CHORDC1: variants seen among roughly 807,000 people sequenced by gnomAD.
The protein encoded by CHORDC1 is cysteine and histidine-rich domain-containing protein 1.
CHORDC1 carries 25 observed loss-of-function variants against 48.3 expected under a neutral mutation model. That is an observed-to-expected ratio of 0.52 (90% CI 0.38 to 0.72). The LOEUF is 0.72. Among genes scored for constraint, CHORDC1 ranks in the 30% least tolerant of loss-of-function variants. The pLI, the probability that CHORDC1 is intolerant of heterozygous loss-of-function variation, is 0.00. For missense variants in CHORDC1, 317 were observed against 388.7 expected, an observed-to-expected ratio of 0.82 and a Z score of 1.55; for synonymous variants, 128 against 126.4, an observed-to-expected ratio of 1.01 and a Z score of -0.09.
At chr11:90,213,334 CAA>C (rs35305859) in intron 4 of CHORDC1, 88,254 of 564,234 alleles carry the variant, frequency 0.16, 2,108 homozygotes, top group East Asian at 0.3. Context: ...TACTTGCAGC[CAA>C]AAAAAAAAAA....
chr11:90,218,748 T>C (rs1290205993), intron 1 of CHORDC1, among the ~76,000 whole-genome samples: 1 of 151,786 alleles, frequency 6.6e-6, no homozygotes. Context: ...GCCCCTGCCC[T>C]GTTTGGGAAG....
chr11:90,205,153 AAGT>A (rs1200721451), intron 8 of CHORDC1, among the ~76,000 whole-genome samples: 1 of 152,156 alleles, frequency 6.6e-6, no homozygotes, highest in Non-Finnish European at 1.5e-5. Flanking sequence ...AAAAAACAAA[AAGT>A]AGGAAGAGGC....
At position 90,201,260 on chromosome 11, in the gene CHORDC1, T is replaced by C. The variant is rs1292846533; in HGVS notation, c.*1145A>G. The C allele has an allele frequency of 2.0e-5, 3 of 151,972 alleles. No individual in the cohort carries two copies. The East Asian group carries it at 5.8e-4, about 29-fold the overall frequency. 9.4% of individuals were successfully genotyped at this position (151,972 alleles called of 1,614,324 possible). A position where few individuals can be genotyped will look rare whatever the true frequency, so the allele number is the denominator to read the frequency against. The stretch of plus-strand genomic sequence containing the variant: ...ATAAGTTTAATTTATTCCCAAACTT[T>C]CTAAGTTCTTCCAGAGTTCTGGCCT... On this transcript the variant is annotated 3_prime_UTR_variant, in exon 11 of 11. Coordinates refer to ENST00000320585, the MANE Select transcript of CHORDC1 (RefSeq NM_012124.3).
intron 4 of CHORDC1, 193 bp from the exon 5 acceptor site, chr11:90,211,511 CTTATA>C (rs1229555456): frequency 4.4e-6 from 2 of 454,174 alleles, no homozygotes; most frequent in Non-Finnish European, 7.8e-6. Context: ...AGAAAAGCTC[CTTATA>C]TTAGAATAGT....
intron 6 of CHORDC1, chr11:90,207,332 T>C (rs1440028101): frequency 6.5e-6 from 1 of 154,324 alleles, no homozygotes; most frequent in Non-Finnish European, 1.4e-5. Context: ...TTTAATTACA[T>C]CCATGTCACA....
In CHORDC1 at chr11:90,200,547, C is replaced by T. The variant is rs537115335; in HGVS notation, c.*1858G>A. On this transcript the variant is annotated 3_prime_UTR_variant, in exon 11 of 11. Transcript: ENST00000320585. The stretch of plus-strand genomic sequence containing the variant: ...TATGTATGAGTCTAAGAGAAATATT[C>T]GGATTTTTATCTGGACAAGAAATTC... Among the ~76,000 whole-genome samples the T allele has an allele frequency of 3.3e-5, 5 of 151,240 alleles. No homozygotes were observed. The highest frequency in any genetic ancestry group is 6.6e-5 in the Admixed American group (1 of 15,210).
intron 7 of CHORDC1, 92 bp from the exon 8 acceptor site, chr11:90,205,657 C>A: frequency 1.3e-6 from 1 of 766,230 alleles, no homozygotes. Flanking sequence ...TTTTAATAAG[C>A]CAGTAAGTGT....
rs188235205 is a variant in CHORDC1, at chr11:90,215,322, C to T, written c.115-92G>A. 7 of 764,566 alleles carry T rather than the reference C, an allele frequency of 9.2e-6. No individual in the cohort carries two copies. The African/African-American group carries it at 1.3e-4, about 14-fold the overall frequency. The allele number at this position is 764,566 out of a possible 1,614,324, so 47.4% of individuals were successfully genotyped here. A position where few individuals can be genotyped will look rare whatever the true frequency, so the allele number is the denominator to read the frequency against. ...TCTACTTGCACTTATCTACTTGAAT[C>T]CTGCAGTAACTTGCGTATAGAGTGC... On this transcript the variant is annotated intron_variant, in intron 2 of 10. Transcript: ENST00000320585.
chr11:90,205,389 A>G, intron 8 of CHORDC1, 71 bp downstream of exon 8: 3 of 981,862 alleles, frequency 3.1e-6, no homozygotes, highest in Non-Finnish European at 4.7e-6. Context: ...AAGACAGAAT[A>G]ATTTCAAATC....
intron 1 of CHORDC1, chr11:90,222,644 G>A (rs936632138): frequency 1.3e-5 from 9 of 685,118 alleles, no homozygotes; most frequent in African/African-American, 1.2e-4. Context: ...GTGGATCCAT[G>A]GGAGCGTCTC....
At position 90,216,664 on chromosome 11, in the gene CHORDC1, T is replaced by C. The variant is rs900103829; in HGVS notation, c.115-1434A>G. 80 of 303,316 alleles carry C rather than the reference T, an allele frequency of 2.6e-4. No individual in the cohort carries two copies. The Admixed American group carries it at 2.8e-3, about 11-fold the overall frequency. The allele number at this position is 303,316 out of a possible 1,614,324, so 18.8% of individuals were successfully genotyped here. A position where few individuals can be genotyped will look rare whatever the true frequency, so the allele number is the denominator to read the frequency against. ...CATTAAGACTTGGAGTGATTAACAA[T>C]GCGGTAAGAGAAAAAACGGGCAATG... On this transcript the variant is annotated intron_variant, in intron 2 of 10. Coordinates refer to ENST00000320585, the MANE Select transcript of CHORDC1 (RefSeq NM_012124.3).
intron 2 of CHORDC1, 68 bp downstream of exon 2, chr11:90,218,063 AAAAT>A: frequency 8.7e-7 from 1 of 1,144,464 alleles, no homozygotes; most frequent in Non-Finnish European, 1.2e-6. Flanking sequence ...AAAAGATGAG[AAAAT>A]AAAGATTTAG....
intron 6 of CHORDC1, chr11:90,209,569 T>C (rs1255850797): frequency 3.3e-5 from 5 of 151,944 alleles, no homozygotes; most frequent in African/African-American, 1.2e-4. Flanking sequence ...AGCTCAGAAG[T>C]AAAATAAGTA....
At chr11:90,205,171 G>A (rs1222755560) in intron 8 of CHORDC1, among the ~76,000 whole-genome samples, 1 of 152,132 alleles carries the variant, frequency 6.6e-6, no homozygotes, top group Non-Finnish European at 1.5e-5. Flanking sequence ...AGAGGCCATG[G>A]AGCTAATTTT....
chr11:90,206,155 T>G, intron 7 of CHORDC1, 47 bp downstream of exon 7: 1 of 1,148,120 alleles, frequency 8.7e-7, no homozygotes, highest in Non-Finnish European at 1.3e-6. Flanking sequence ...AGGTTTAACT[T>G]TCTAAATTCT....
intron 8 of CHORDC1, 111 bp from the exon 9 acceptor site, chr11:90,203,538 C>T (rs80331402): frequency 0.047 from 47,336 of 1,002,008 alleles, 1,346 homozygotes; most frequent in Non-Finnish European, 0.054. Context: ...CAACTAAGCA[C>T]TTAATGTTTA....
chr11:90,200,612 A>C lies in CHORDC1; in HGVS notation c.*1793T>G, dbSNP rs954367995. 9.2e-5 allele frequency among the ~76,000 whole-genome samples: 14 copies of C among 151,592 alleles called. No homozygotes were observed. Among genetic ancestry groups the C allele is most frequent in the African/African-American group, 3.4e-4 (14 of 41,362 alleles). ...AAGAAAGTAAATACCATGGTCACTA[A>C]TGTAACCAGACTAAATATAAAAGCT... On this transcript the variant is annotated 3_prime_UTR_variant, in exon 11 of 11. Transcript: ENST00000320585.
At chr11:90,210,695 G>T in intron 5 of CHORDC1, 101 bp from the exon 6 acceptor site, 122 of 669,036 alleles carry the variant, frequency 1.8e-4, no homozygotes, top group East Asian at 3.0e-4. Context: ...ATACTTTTTA[G>T]AAAACGACTG....
intron 2 of CHORDC1, 119 bp downstream of exon 2, chr11:90,218,016 G>A (rs546983296): frequency 1.6e-5 from 10 of 637,754 alleles, no homozygotes; most frequent in South Asian, 1.2e-4. Context: ...CACCTCCCCC[G>A]CAAAGGTCAT....
Sources: gnomAD v4.1 joint callset for allele counts (sites outside exome capture counted in the v4.1 genomes callset) on GRCh38, gnomAD v4.1.1 for gene constraint, MANE v1.5 for transcripts, NCBI Gene and HGNC (gene_info 2026-07-23, HGNC 2026-07-21) for gene names.